Variants in DNAH8 observed in about 807,000 individuals in gnomAD.
DNAH8 encodes axonemal beta dynein heavy chain 8.
DNAH8 carries 382 observed loss-of-function variants against 562.1 expected under a neutral mutation model. That is an observed-to-expected ratio of 0.68 (90% CI 0.63 to 0.74). DNAH8 has a LOEUF of 0.74. Among genes scored for constraint, DNAH8 ranks in the 30% least tolerant of loss-of-function variants. The probability of loss-of-function intolerance (pLI) is 0.00; values close to 1 mark genes in which losing one functional copy is unlikely to be tolerated. For missense variants in DNAH8, 5,203 were observed against 5,620.4 expected (o/e 0.93, Z 2.37); for synonymous variants, 1,881 against 1,919.4 (o/e 0.98, Z 0.52).
chr6:38,913,327 G>T (rs1028939418), intron 66 of DNAH8, among the ~76,000 whole-genome samples: 1 of 152,156 alleles, frequency 6.6e-6, no homozygotes, highest in Admixed American at 6.5e-5. Flanking sequence ...CCTAGAACCC[G>T]TTGGAATGTG....
chr6:38,809,943 A>G (rs1361887883), intron 24 of DNAH8, among the ~76,000 whole-genome samples: 1 of 152,158 alleles, frequency 6.6e-6, no homozygotes, highest in East Asian at 1.9e-4. Flanking sequence ...TTAGTTTGTC[A>G]TTACTTTACC....
In DNAH8 at chr6:38,862,265, G is replaced by T; in HGVS notation, c.6132-15G>T. 3 of 1,606,658 alleles carry T rather than the reference G, an allele frequency of 1.9e-6. No individual in the cohort carries two copies. Among genetic ancestry groups the T allele is most frequent in the Middle Eastern group, 1.7e-4 (1 of 6,028 alleles). Reference sequence around the variant, plus strand: ...ATCCCATACTCACAATGCTTTATTGGATGAACATTTGCAGATGCTATATCA... The same window carrying T: ...ATCCCATACTCACAATGCTTTATTGTATGAACATTTGCAGATGCTATATCA... On this transcript the variant is annotated splice_polypyrimidine_tract_variant and intron_variant, in intron 43 of 92. Coordinates refer to ENST00000327475, the MANE Select transcript of DNAH8 (RefSeq NM_001206927.2).
chr6:38,807,790 A>C, intron 24 of DNAH8, 74 bp downstream of exon 24: 1 of 717,120 alleles, frequency 1.4e-6, no homozygotes, highest in Non-Finnish European at 2.0e-6. Flanking sequence ...TAAATTTATT[A>C]ATTAAAAAAA....
chr6:39,020,881 G>A (rs1766872199), intron 91 of DNAH8, among the ~76,000 whole-genome samples: 1 of 152,168 alleles, frequency 6.6e-6, no homozygotes, highest in Non-Finnish European at 1.5e-5. Context: ...GTATTCCATG[G>A]TGTATATGTA....
chr6:38,823,932 T>C (rs1773093955), intron 28 of DNAH8, among the ~76,000 whole-genome samples: 1 of 152,134 alleles, frequency 6.6e-6, no homozygotes, highest in African/African-American at 2.4e-5. Flanking sequence ...GTTAAATAGT[T>C]CTGGGCCATT....
At chr6:38,972,425 A>G (rs1763409577) in intron 83 of DNAH8, among the ~76,000 whole-genome samples, 1 of 152,140 alleles carries the variant, frequency 6.6e-6, no homozygotes, top group Admixed American at 6.5e-5. Context: ...CTAAGCCTCA[A>G]TCTTTATCAC....
At chr6:38,887,833 C>CTTTTT (rs538279493) in intron 57 of DNAH8, among the ~76,000 whole-genome samples, 1 of 120,868 alleles carries the variant, frequency 8.3e-6, no homozygotes, top group Non-Finnish European at 1.7e-5. Flanking sequence ...AAAGGGCAGA[C>CTTTTT]TTTTTTTTTT....
chr6:38,896,968 G>A (rs1779740048), intron 60 of DNAH8, among the ~76,000 whole-genome samples: 1 of 151,872 alleles, frequency 6.6e-6, no homozygotes, highest in South Asian at 2.1e-4. Context: ...TGTATTTTTA[G>A]TAGAGACGAG....
Position 38,737,189 on chromosome 6 carries a change from C to T in DNAH8, c.885C>T (p.Ser295=), listed in dbSNP as rs770336217. The part of the protein sequence containing the change: ...ATNNWGALNQ[S]KQGESEKHIF... ...ACAACTGGGGTGCTTTAAACCAGTCCAAGCAGGGAGAATCTGAAAAACATA... is the reference window on the plus strand; with the variant it reads ...ACAACTGGGGTGCTTTAAACCAGTCTAAGCAGGGAGAATCTGAAAAACATA... The change falls in exon 6 of 93, where the codon TCC becomes TCT. Residue 295 remains serine, a synonymous_variant. Coordinates refer to ENST00000327475, the MANE Select transcript of DNAH8 (RefSeq NM_001206927.2). The T allele has an allele frequency of 1.3e-6, 2 of 1,548,984 alleles. No individual in the cohort carries two copies. Among genetic ancestry groups the T allele is most frequent in the South Asian group, 1.3e-5 (1 of 79,022 alleles).
chr6:39,018,074 C>CT (rs1766673408), intron 91 of DNAH8, among the ~76,000 whole-genome samples: 1 of 152,154 alleles, frequency 6.6e-6, no homozygotes, highest in Non-Finnish European at 1.5e-5. Flanking sequence ...ACCTCAAGTC[C>CT]TAAACTTCAA....
chr6:38,754,458 A>T (rs1050143098), intron 9 of DNAH8, among the ~76,000 whole-genome samples: 10 of 152,194 alleles, frequency 6.6e-5, no homozygotes, highest in Admixed American at 4.6e-4. Flanking sequence ...CATAAGCCAC[A>T]TAAAACTGAT....
rs554495561 is a variant in DNAH8, at chr6:38,725,281, C to T, written c.525+1810C>T. ...CTGTACCACTGCACTCCATCCTGGG[C>T]GATAGAGTGAGACTCCAACTCATAT... On this transcript the variant is annotated intron_variant, in intron 3 of 92. Transcript: ENST00000327475. Among the ~76,000 whole-genome samples, 12 of 139,586 alleles carry T rather than the reference C, an allele frequency of 8.6e-5. No individual in the cohort carries two copies. In the East Asian group the frequency reaches 1.9e-3, roughly 22 times the overall value. The allele number at this position is 139,586 out of a possible 152,430, so 91.6% of individuals were successfully genotyped here.
intron 64 of DNAH8, 142 bp downstream of exon 64, chr6:38,908,262 T>A: frequency 2.1e-6 from 1 of 481,378 alleles, no homozygotes; most frequent in Non-Finnish European, 3.5e-6. Flanking sequence ...TACCACACAA[T>A]CTCCATTGAC....
chr6:38,791,444 G>A, intron 20 of DNAH8, 111 bp from the exon 21 acceptor site: 1 of 1,300,264 alleles, frequency 7.7e-7, no homozygotes, highest in South Asian at 1.6e-5. Context: ...CAAGATGCAA[G>A]TTTCTAGACT....
intron 75 of DNAH8, 55 bp downstream of exon 75, chr6:38,929,721 A>T: frequency 7.0e-7 from 1 of 1,428,390 alleles, no homozygotes; most frequent in Non-Finnish European, 9.3e-7. Context: ...AAAAAGAAAA[A>T]AAGAAAAAAA....
In DNAH8 at chr6:38,872,781, A is replaced by C. The variant is rs1777570045; in HGVS notation, c.7236A>C (p.Lys2412Asn). ...GGAGAAAAACATTAAAAGCTAAAAA[A>C]GGTATACACAAACCTCCTTTGTGAT... is the stretch of plus-strand genomic sequence containing the variant. ...TLWRKTLKAKKGENIFLILDG... is the reference protein window; with the variant it reads ...TLWRKTLKAKNGENIFLILDG... The change falls in exon 50 of 93, where the codon AAA becomes AAC. Residue 2412 changes from lysine (K) to asparagine (N), a missense_variant and splice_region_variant. Physicochemically the swap from Lys to Asn is moderately conservative, Grantham distance 94. Around this residue, in one of 6 missense-constraint regions of DNAH8, gnomAD observed 8 missense variants for 33.4 expected, o/e 0.24. Transcript: ENST00000327475. The C allele has an allele frequency of 6.2e-7, 1 of 1,613,962 alleles. No individual in the cohort carries two copies. The highest frequency in any genetic ancestry group is 1.3e-5 in the African/African-American group (1 of 74,930).
rs66765653 is a variant in DNAH8, at chr6:38,914,392, CTTTTT to C, written c.9963+462_9963+466del. Among the ~76,000 whole-genome samples, 89 of 63,984 alleles carry C rather than the reference CTTTTT, an allele frequency of 1.4e-3. 1 individual carries two copies. The highest frequency in any genetic ancestry group is 0.013 in the Admixed American group (58 of 4,306). The allele number at this position is 63,984 out of a possible 152,430, so 42.0% of individuals were successfully genotyped here. A position where few individuals can be genotyped will look rare whatever the true frequency, so the allele number is the denominator to read the frequency against. On this transcript the variant is annotated intron_variant, in intron 67 of 92. Coordinates refer to ENST00000327475, the MANE Select transcript of DNAH8 (RefSeq NM_001206927.2). ...GGTATATATGTGTGCTGCTTTTTCT[CTTTTT>C]TTTTTTTTTTTTTTTTTTTTTGAGA...
At chr6:38,723,974 A>T (rs1023959576) in intron 3 of DNAH8, among the ~76,000 whole-genome samples, 3 of 109,462 alleles carry the variant, frequency 2.7e-5, no homozygotes, top group Non-Finnish European at 5.6e-5. Flanking sequence ...TTTAAATTTA[A>T]TTAATTAATT....
At chr6:38,797,233 A>G (rs1308919337) in intron 21 of DNAH8, among the ~76,000 whole-genome samples, 1 of 152,052 alleles carries the variant, frequency 6.6e-6, no homozygotes, top group Admixed American at 6.6e-5. Flanking sequence ...ATCTCTACTA[A>G]AAGTATAAAA....
Sources: allele counts gnomAD v4.1 joint callset (sites outside exome capture counted in the v4.1 genomes callset), GRCh38; gene constraint gnomAD v4.1.1; regional missense constraint gnomAD v4.1.1; transcripts MANE v1.5; gene names NCBI Gene and HGNC (gene_info 2026-07-23, HGNC 2026-07-21).